Variants in ELK1 observed in about 807,000 individuals in gnomAD.
ELK1 encodes ETS transcription factor ELK1, also known as ETS domain-containing protein Elk-1.
For missense variants in ELK1, 254 were observed against 381.5 expected, an observed-to-expected ratio of 0.67 and a Z score of 2.78; for synonymous variants, 163 against 176.3, an observed-to-expected ratio of 0.92 and a Z score of 0.60.
intron 2 of ELK1, among the ~76,000 whole-genome samples, chrX:47,644,149 C>T (rs2058036489): frequency 8.9e-6 from 1 of 111,827 alleles, no homozygotes; most frequent in Non-Finnish European, 1.9e-5. Context: ...CAGAGTGACT[C>T]CTGGTGGCAA....
intron 4 of ELK1, 147 bp downstream of exon 4, chrX:47,638,748 C>T: frequency 1.4e-6 from 1 of 706,657 alleles, no homozygotes; most frequent in Non-Finnish European, 2.1e-6. Flanking sequence ...CCCCACCCCT[C>T]CTTCTAAGAG....
rs192798360 is a variant in ELK1, at chrX:47,646,038, T to C, written c.-35+3883A>G. On this transcript the variant is annotated intron_variant, in intron 2 of 6. Transcript: ENST00000376983. ...AGTCAAATATTCTCAAAAGTACACC[T>C]ACCCTCCAAGGCTTCTGTGAGGATT... 6.3e-5 allele frequency among the ~76,000 whole-genome samples: 7 copies of C among 111,367 alleles called. No individual in the cohort carries two copies. The East Asian group carries it at 1.7e-3, about 27-fold the overall frequency.
rs773124002 is a variant in ELK1 at position 47,639,294 on chromosome X, A to G, written c.255T>C (p.Phe85=). 20 of 1,209,695 alleles carry G rather than the reference A, an allele frequency of 1.7e-5. No individual in the cohort carries two copies. Among genetic ancestry groups the G allele is most frequent in the Non-Finnish European group, 2.2e-5 (20 of 894,731 alleles). Residue 85 remains phenylalanine (F), a synonymous_variant, in exon 4 of 7, where the codon TTT becomes TTC. Transcript: ENST00000376983. ...KVSGQKFVYK[F]VSYPEVAGCS... Reference sequence around the variant, plus strand: ...ACCCTGCGACCTCAGGGTAGGACACAAACTTGTAGACGAACTTCTGGCCGC... The same window carrying G: ...ACCCTGCGACCTCAGGGTAGGACACGAACTTGTAGACGAACTTCTGGCCGC...
intron 3 of ELK1, among the ~76,000 whole-genome samples, chrX:47,639,733 A>G (rs1405805558): frequency 1.8e-5 from 2 of 112,792 alleles, no homozygotes; most frequent in African/African-American, 6.5e-5. Flanking sequence ...AATGGGGCCC[A>G]TGAAGGGCAG....
chrX:47,637,965 A>G lies in ELK1; in HGVS notation c.872T>C (p.Met291Thr), dbSNP rs769100410. The G allele has an allele frequency of 3.3e-6, 4 of 1,206,752 alleles. No individual in the cohort carries two copies. Among genetic ancestry groups the G allele is most frequent in the African/African-American group, 3.5e-5 (2 of 57,011 alleles). Residue 291 changes from methionine (M) to threonine (T), a missense_variant, in exon 5 of 7, where the codon ATG (methionine) becomes ACG (threonine). Met to Thr is a moderately conservative substitution (Grantham distance 81). Transcript: ENST00000376983. ...GCCGCCCGCCTGCCCTGCGGTGTCC[A>G]TAACAACCGCGGGCAGCCGGGCTGG... ...GVPARLPAVV[M>T]DTAGQAGGHA...
rs1432204991 is a variant in ELK1, at chrX:47,649,976, CA to C, written c.-91del. The C allele has an allele frequency of 2.8e-5, 3 of 107,477 alleles. No individual in the cohort carries two copies. The highest frequency in any genetic ancestry group is 5.8e-5 in the Non-Finnish European group (3 of 52,029). The allele number at this position is 107,477 out of a possible 1,213,427, so 8.9% of individuals were successfully genotyped here. On this transcript the variant is annotated 5_prime_UTR_variant, in exon 2 of 7. An upstream open reading frame in the 5' UTR loses its in-frame stop. Coordinates refer to ENST00000376983, the MANE Select transcript of ELK1 (RefSeq NM_001114123.3). ...CCACGGATTGATTCGCTACGATGTACAGGAAGGGTGGAATAAATAAGGCCAC... is the reference window on the plus strand; with the variant it reads ...CCACGGATTGATTCGCTACGATGTACGGAAGGGTGGAATAAATAAGGCCAC...
chrX:47,640,995 A>G (rs1259354965), intron 3 of ELK1, among the ~76,000 whole-genome samples: 2 of 111,180 alleles, frequency 1.8e-5, no homozygotes. Flanking sequence ...TCAGAGTGGG[A>G]GTAGAAAGAG....
At chrX:47,647,465 C>T (rs2058047360) in intron 2 of ELK1, among the ~76,000 whole-genome samples, 1 of 111,412 alleles carries the variant, frequency 9.0e-6, no homozygotes, top group African/African-American at 3.3e-5. Flanking sequence ...CCCAGCCTCC[C>T]CAACTTTTAA....
intron 2 of ELK1, among the ~76,000 whole-genome samples, chrX:47,644,857 T>G (rs2058038887): frequency 9.0e-6 from 1 of 110,831 alleles, no homozygotes; most frequent in Non-Finnish European, 1.9e-5. Context: ...ACAAGAGGGT[T>G]GTGAACAGAG....
chrX:47,641,446 G>T lies in ELK1; in HGVS notation c.-5C>A, dbSNP rs745815816. 10 of 1,203,969 alleles carry T rather than the reference G, an allele frequency of 8.3e-6. No individual in the cohort carries two copies. Among genetic ancestry groups the T allele is most frequent in the Non-Finnish European group, 1.0e-5 (9 of 891,686 alleles). On this transcript the variant is annotated 5_prime_UTR_variant, in exon 3 of 7. Coordinates refer to ENST00000376983, the MANE Select transcript of ELK1 (RefSeq NM_001114123.3). ...CAGCGTCACAGATGGGTCCATCGCT[G>T]GGGGAGTGCTCACGCCATCCCAGGG...
rs1307738312 is a variant in ELK1 at position 47,636,034 on chromosome X, G to A, written c.*795C>T. 2.7e-5 allele frequency: 3 copies of A among 110,828 alleles called. No individual in the cohort carries two copies. In the East Asian group the frequency reaches 8.5e-4, roughly 31 times the overall value. The allele number at this position is 110,828 out of a possible 1,213,427, so 9.1% of individuals were successfully genotyped here. On this transcript the variant is annotated 3_prime_UTR_variant, in exon 7 of 7. Coordinates refer to ENST00000376983, the MANE Select transcript of ELK1 (RefSeq NM_001114123.3). ...CAAAATGGCAGCGGGGGAGAGACAG[G>A]GAGACCTGGAGTACTGGCTGGAGGG...
intron 2 of ELK1, among the ~76,000 whole-genome samples, chrX:47,643,745 G>C (rs756044709): frequency 9.1e-6 from 1 of 110,278 alleles, no homozygotes; most frequent in African/African-American, 3.3e-5. Flanking sequence ...ATTTATCCCT[G>C]ATCATGCCTC....
intron 2 of ELK1, among the ~76,000 whole-genome samples, chrX:47,646,405 C>T (rs764035083): frequency 1.8e-5 from 2 of 111,382 alleles, no homozygotes; most frequent in Non-Finnish European, 1.9e-5. Flanking sequence ...GATCCTCCCA[C>T]CTCAGCCTCT....
chrX:47,637,549 C>T (rs1222563169), intron 5 of ELK1, among the ~76,000 whole-genome samples: 1 of 111,177 alleles, frequency 9.0e-6, no homozygotes, highest in Non-Finnish European at 1.9e-5. Flanking sequence ...CTCGGTCCCA[C>T]CCACAAAAGT....
intron 3 of ELK1, 21 bp from the exon 4 acceptor site, chrX:47,639,359 C>A: frequency 8.5e-7 from 1 of 1,178,545 alleles, no homozygotes; most frequent in Non-Finnish European, 1.1e-6. Context: ...AGGAGAGGAA[C>A]AGAGGGCCTT....
chrX:47,642,701 C>T (rs1199493424), intron 2 of ELK1, among the ~76,000 whole-genome samples: 2 of 109,014 alleles, frequency 1.8e-5, no homozygotes, highest in East Asian at 5.7e-4. Context: ...CAGGTTCAAG[C>T]GATTCTCATG....
intron 3 of ELK1, 126 bp from the exon 4 acceptor site, chrX:47,639,464 C>T: frequency 1.7e-6 from 1 of 603,828 alleles, no homozygotes; most frequent in East Asian, 3.6e-5. Context: ...CCCACTTGCT[C>T]CTCTCCGGCT....
intron 3 of ELK1, among the ~76,000 whole-genome samples, chrX:47,639,883 T>C (rs751299345): frequency 6.4e-4 from 72 of 112,603 alleles, no homozygotes; most frequent in Non-Finnish European, 1.1e-3. Flanking sequence ...GATATAAATG[T>C]TGGAAGAAAG....
chrX:47,637,208 C>T (rs1461385304), intron 5 of ELK1, 94 bp from the exon 6 acceptor site: 7 of 860,355 alleles, frequency 8.1e-6, no homozygotes, highest in African/African-American at 2.0e-5. Flanking sequence ...AGATTTCCCA[C>T]TCACACTCCC....
Sources: allele counts gnomAD v4.1 joint callset (sites outside exome capture counted in the v4.1 genomes callset), GRCh38; gene constraint gnomAD v4.1.1; transcripts MANE v1.5; gene names NCBI Gene and HGNC (gene_info 2026-07-23, HGNC 2026-07-21).